CEP112: variants seen among roughly 807,000 people sequenced by gnomAD.
CEP112 encodes the protein centrosomal protein of 112 kDa.
Under a neutral mutation model 153.0 loss-of-function variants are expected in CEP112, and 127 were observed. The ratio of observed to expected loss-of-function variants is 0.83; its 90% CI spans 0.72 to 0.96. The LOEUF is 0.96. Among genes scored for constraint, CEP112 ranks in the 40% least tolerant of loss-of-function variants. The pLI is 0.00. For missense variants in CEP112, 1,089 were observed against 1,101.2 expected (o/e 0.99, Z 0.16); for synonymous variants, 358 against 374.4 (o/e 0.96, Z 0.51).
intron 5 of CEP112, among the ~76,000 whole-genome samples, chr17:66,131,199 G>C (rs181573983): frequency 6.6e-6 from 1 of 151,968 alleles, no homozygotes; most frequent in East Asian, 1.9e-4. Context: ...ATACAATACT[G>C]CATTATTATT....
chr17:66,069,835 T>C (rs1277658120), intron 9 of CEP112, 80 bp downstream of exon 9: 2 of 737,538 alleles, frequency 2.7e-6, no homozygotes, highest in East Asian at 2.7e-5. Flanking sequence ...GAAGAATGGA[T>C]GGATAACTGG....
Position 65,931,565 on chromosome 17 carries a change from A to C in CEP112, c.1873-3876T>G, listed in dbSNP as rs1648892709. ...GGCTAGAACATCTGAGATCAGCTAT[A>C]AACAATGAAGGGAAAATGGAGCTCA... On this transcript the variant is annotated intron_variant, in intron 18 of 26. Transcript: ENST00000535342. Among the ~76,000 whole-genome samples, 4 of 152,186 alleles carry C rather than the reference A, an allele frequency of 2.6e-5. No homozygotes were observed. In the South Asian group the frequency reaches 8.3e-4, roughly 31 times the overall value.
At chr17:65,958,479 G>T (rs2062077842) in intron 18 of CEP112, among the ~76,000 whole-genome samples, 1 of 131,068 alleles carries the variant, frequency 7.6e-6, no homozygotes, top group African/African-American at 2.7e-5. Context: ...TGCCCTAGCT[G>T]GCTCAGAAGT....
At chr17:65,724,121 G>A (rs752944966) in intron 23 of CEP112, among the ~76,000 whole-genome samples, 1 of 151,830 alleles carries the variant, frequency 6.6e-6, no homozygotes, top group Admixed American at 6.6e-5. Flanking sequence ...AAGCATTCCT[G>A]TAACCCACCA....
At chr17:66,157,329 G>A (rs2071487637) in intron 4 of CEP112, among the ~76,000 whole-genome samples, 2 of 152,144 alleles carry the variant, frequency 1.3e-5, no homozygotes, top group African/African-American at 4.8e-5. Flanking sequence ...AGCAAATGTT[G>A]AGAGATTTTG....
intron 21 of CEP112, among the ~76,000 whole-genome samples, chr17:65,793,019 C>A (rs1482240073): frequency 1.3e-5 from 2 of 151,902 alleles, no homozygotes; most frequent in African/African-American, 4.8e-5. Context: ...AATCGAAGCT[C>A]CTGTCTACAG....
chr17:66,102,538 C>T (rs1249222556), intron 6 of CEP112, among the ~76,000 whole-genome samples: 3 of 152,070 alleles, frequency 2.0e-5, no homozygotes, highest in African/African-American at 7.2e-5. Context: ...TGGCTCACGC[C>T]TGTAATCCCA....
intron 21 of CEP112, among the ~76,000 whole-genome samples, chr17:65,835,400 A>C (rs1280894778): frequency 6.6e-6 from 1 of 152,198 alleles, no homozygotes; most frequent in African/African-American, 2.4e-5. Flanking sequence ...CCCAAGGCAC[A>C]CACTAATCAA....
intron 6 of CEP112, among the ~76,000 whole-genome samples, chr17:66,105,265 C>T (rs1444204290): frequency 6.6e-6 from 1 of 151,590 alleles, no homozygotes; most frequent in Non-Finnish European, 1.5e-5. Context: ...TAACCTCAAA[C>T]CAAAAAACCT....
chr17:65,835,556 C>A (rs2057274290), intron 21 of CEP112, among the ~76,000 whole-genome samples: 1 of 152,042 alleles, frequency 6.6e-6, no homozygotes, highest in Non-Finnish European at 1.5e-5. Flanking sequence ...TGCTATATTC[C>A]AAGTTTAGGG....
chr17:65,875,254 A>ACAC (rs2058787328), intron 20 of CEP112, among the ~76,000 whole-genome samples: 1 of 152,140 alleles, frequency 6.6e-6, no homozygotes, highest in African/African-American at 2.4e-5. Context: ...ACACAAATAG[A>ACAC]AAAAGAACAG....
At chr17:66,186,449 C>T (rs1002338641) in intron 1 of CEP112, among the ~76,000 whole-genome samples, 1 of 152,058 alleles carries the variant, frequency 6.6e-6, no homozygotes, top group Admixed American at 6.5e-5. Context: ...GCCACCACGC[C>T]CAGATAATTT....
At position 65,714,422 on chromosome 17, in the gene CEP112, G is replaced by GTT. The variant is rs35586265; in HGVS notation, c.2608-25206_2608-25205dup. ...GTTTTGGATCCATATGAATATCAAA[G>GTT]TTTTTTTTTAATAATTATTAGCCAT... On this transcript the variant is annotated intron_variant, in intron 23 of 26. Transcript: ENST00000535342. Among the ~76,000 whole-genome samples, 170 of 151,288 alleles carry GTT rather than the reference G, an allele frequency of 1.1e-3. 2 individuals carry two copies. The highest frequency in any genetic ancestry group is 3.5e-3 in the African/African-American group (144 of 41,250).
intron 4 of CEP112, among the ~76,000 whole-genome samples, chr17:66,162,595 C>G (rs994958078): frequency 6.6e-6 from 1 of 152,126 alleles, no homozygotes; most frequent in African/African-American, 2.4e-5. Flanking sequence ...TTTTAAAAAT[C>G]CATTGCTAAA....
chr17:65,752,344 G>A (rs1239696446), intron 21 of CEP112, among the ~76,000 whole-genome samples: 1 of 152,216 alleles, frequency 6.6e-6, no homozygotes, highest in East Asian at 1.9e-4. Context: ...GTGTTACAAA[G>A]GGGCCTGGAC....
At chr17:65,993,005 C>T (rs1192927316) in intron 17 of CEP112, among the ~76,000 whole-genome samples, 2 of 152,076 alleles carry the variant, frequency 1.3e-5, no homozygotes, top group African/African-American at 4.8e-5. Context: ...TAAATGTGTG[C>T]CATGGTGATT....
chr17:65,857,343 C>T (rs2058156526), intron 20 of CEP112, among the ~76,000 whole-genome samples: 1 of 152,204 alleles, frequency 6.6e-6, no homozygotes, highest in African/African-American at 2.4e-5. Context: ...AAACAATGTG[C>T]ATTCCTTCAT....
intron 23 of CEP112, among the ~76,000 whole-genome samples, chr17:65,716,786 C>T (rs1048484576): frequency 6.6e-6 from 1 of 151,608 alleles, no homozygotes; most frequent in Non-Finnish European, 1.5e-5. Context: ...GAAAAGGAAC[C>T]AGGAGACTAT....
intron 21 of CEP112, among the ~76,000 whole-genome samples, chr17:65,758,803 T>C (rs1242533644): frequency 1.3e-5 from 2 of 152,230 alleles, no homozygotes; most frequent in African/African-American, 2.4e-5. Flanking sequence ...CAGATAATTA[T>C]GCACTACTAC....
Sources: gnomAD v4.1 joint callset for allele counts (sites outside exome capture counted in the v4.1 genomes callset) on GRCh38, gnomAD v4.1.1 for gene constraint, MANE v1.5 for transcripts, NCBI Gene and HGNC (gene_info 2026-07-23, HGNC 2026-07-21) for gene names.